Variants in MTMR7 observed in about 807,000 individuals in gnomAD.
MTMR7 encodes myotubularin related protein 7.
Under a neutral mutation model 81.2 loss-of-function variants are expected in MTMR7, and 76 were observed. The observed-to-expected ratio is 0.94, with a 90% confidence interval of 0.78 to 1.13. The LOEUF is 1.13. Among genes scored for constraint, MTMR7 ranks in the 50% most tolerant of loss-of-function variants. The pLI is 0.00. For missense variants in MTMR7, 1,044 were observed against 820.0 expected (o/e 1.27, Z -3.34); for synonymous variants, 372 against 289.8 (o/e 1.28, Z -2.88).
At chr8:17,308,408 T>C (rs1817604649) in intron 10 of MTMR7, among the ~76,000 whole-genome samples, 1 of 152,184 alleles carries the variant, frequency 6.6e-6, no homozygotes, top group African/African-American at 2.4e-5. Context: ...TATGCTTTCC[T>C]GGAAAAAATT....
chr8:17,376,400 T>C (rs1820588998), intron 1 of MTMR7, among the ~76,000 whole-genome samples: 1 of 152,234 alleles, frequency 6.6e-6, no homozygotes, highest in African/African-American at 2.4e-5. Context: ...CTATGTACTT[T>C]TGAGCATAAG....
intron 6 of MTMR7, among the ~76,000 whole-genome samples, chr8:17,338,396 C>T (rs964770928): frequency 2.6e-5 from 4 of 152,198 alleles, no homozygotes; most frequent in African/African-American, 4.8e-5. Context: ...GTAGGTGAAT[C>T]TGTCTGGCTT....
chr8:17,386,513 T>C (rs955762554), intron 1 of MTMR7, among the ~76,000 whole-genome samples: 1 of 152,214 alleles, frequency 6.6e-6, no homozygotes, highest in Non-Finnish European at 1.5e-5. Flanking sequence ...AGGGCTTTTA[T>C]TGGATCATAC....
intron 1 of MTMR7, among the ~76,000 whole-genome samples, chr8:17,406,042 T>C (rs1821573074): frequency 6.6e-6 from 1 of 152,196 alleles, no homozygotes; most frequent in Non-Finnish European, 1.5e-5. Context: ...TTCTGCTCCT[T>C]TGAACTAAAT....
Position 17,297,806 on chromosome 8 carries a change from A to G in MTMR7, c.*2056T>C, listed in dbSNP as rs1357476530. On this transcript the variant is annotated 3_prime_UTR_variant, in exon 14 of 14. Coordinates refer to ENST00000180173, the MANE Select transcript of MTMR7 (RefSeq NM_004686.5). Reference sequence around the variant, plus strand: ...AAGTACAGTAAAGTTTTAATAAGCAATAAATGTAACCTTTTATATAAATCT... The same window carrying G: ...AAGTACAGTAAAGTTTTAATAAGCAGTAAATGTAACCTTTTATATAAATCT... 4 of 151,918 alleles carry G rather than the reference A, an allele frequency of 2.6e-5. No homozygotes were observed. Among genetic ancestry groups the G allele is most frequent in the Non-Finnish European group, 5.9e-5 (4 of 67,884 alleles). The allele number at this position is 151,918 out of a possible 1,614,324, so 9.4% of individuals were successfully genotyped here.
At chr8:17,332,969 T>C (rs1460623494) in intron 6 of MTMR7, among the ~76,000 whole-genome samples, 1 of 152,184 alleles carries the variant, frequency 6.6e-6, no homozygotes, top group African/African-American at 2.4e-5. Context: ...CTGTAATCTT[T>C]CATTGATACC....
intron 3 of MTMR7, among the ~76,000 whole-genome samples, chr8:17,369,582 C>G (rs1820342943): frequency 1.3e-5 from 2 of 150,990 alleles, no homozygotes; most frequent in Admixed American, 1.3e-4. Flanking sequence ...TATAAATGAT[C>G]TCTTTTCACT....
chr8:17,409,227 G>A (rs1230272529), intron 1 of MTMR7, among the ~76,000 whole-genome samples: 1 of 152,152 alleles, frequency 6.6e-6, no homozygotes, highest in Admixed American at 6.5e-5. Flanking sequence ...GGGAGGCCAA[G>A]GCAAGTGGAT....
At position 17,336,286 on chromosome 8, in the gene MTMR7, G is replaced by A. The variant is rs185521344; in HGVS notation, c.733-5004C>T. On this transcript the variant is annotated intron_variant, in intron 6 of 13. Coordinates refer to ENST00000180173, the MANE Select transcript of MTMR7 (RefSeq NM_004686.5). ...GCGGCTGAGCCCTTTTAGGAATGCT[G>A]AAGCAAGATGGCTCATGCTCAACTT... Among the ~76,000 whole-genome samples, 5 of 152,176 alleles carry A rather than the reference G, an allele frequency of 3.3e-5. No individual in the cohort carries two copies. In the East Asian group the frequency reaches 9.7e-4, roughly 29 times the overall value.
chr8:17,309,709 G>T (rs1563320636), intron 9 of MTMR7, among the ~76,000 whole-genome samples: 1 of 152,120 alleles, frequency 6.6e-6, no homozygotes, highest in African/African-American at 2.4e-5. Flanking sequence ...CTACTAGGAA[G>T]GAGACCCCAC....
intron 8 of MTMR7, 96 bp from the exon 9 acceptor site, chr8:17,311,732 G>C: frequency 2.6e-6 from 4 of 1,565,092 alleles, no homozygotes; most frequent in Non-Finnish European, 3.5e-6. Flanking sequence ...TTTACAGAAA[G>C]AAACAGCCAA....
At position 17,372,707 on chromosome 8, in the gene MTMR7, A is replaced by G. The variant is rs546239820; in HGVS notation, c.147+411T>C. 2.7e-4 allele frequency among the ~76,000 whole-genome samples: 41 copies of G among 152,308 alleles called. No homozygotes were observed. The East Asian group carries it at 7.5e-3, about 28-fold the overall frequency. On this transcript the variant is annotated intron_variant, in intron 2 of 13. Coordinates refer to ENST00000180173, the MANE Select transcript of MTMR7 (RefSeq NM_004686.5). The stretch of plus-strand genomic sequence containing the variant: ...GCTCCTCTAGATTTTCTTTCTTTTT[A>G]AAATTATCAGAAAAGTAGAGGCAAT...
intron 1 of MTMR7, among the ~76,000 whole-genome samples, chr8:17,374,058 C>G (rs67664103): frequency 0.18 from 27,782 of 152,150 alleles, 2,969 homozygotes; most frequent in East Asian, 0.39. Flanking sequence ...ATGACCACAG[C>G]GCACAGCAAT....
At chr8:17,397,297 C>G (rs1585121383) in intron 1 of MTMR7, among the ~76,000 whole-genome samples, 1 of 152,158 alleles carries the variant, frequency 6.6e-6, no homozygotes, top group East Asian at 1.9e-4. Context: ...GGCCAAGGCT[C>G]TTGACATCAT....
At chr8:17,411,533 G>A (rs551881567) in intron 1 of MTMR7, among the ~76,000 whole-genome samples, 79 of 152,284 alleles carry the variant, frequency 5.2e-4, no homozygotes, top group African/African-American at 1.9e-3. Context: ...AAATGAATCC[G>A]ATCCATCCAA....
chr8:17,402,769 G>A (rs575179428), intron 1 of MTMR7, among the ~76,000 whole-genome samples: 8 of 152,248 alleles, frequency 5.3e-5, no homozygotes, highest in African/African-American at 1.4e-4. Flanking sequence ...ACCAGTAGTG[G>A]GCTTGCTGGA....
Position 17,371,106 on chromosome 8 carries a change from G to A in MTMR7, c.241C>T (p.Gln81Ter). 1.2e-6 allele frequency: 2 copies of A among 1,614,200 alleles called. No individual in the cohort carries two copies. Among genetic ancestry groups the A allele is most frequent in the Non-Finnish European group, 1.7e-6 (2 of 1,180,016 alleles). Reference sequence around the variant, plus strand: ...TCTCTTTCCTGAGGTATGATGAGCTGTATTATCTGAAAGTTCTTGCAGCGA... The same window carrying A: ...TCTCTTTCCTGAGGTATGATGAGCTATATTATCTGAAAGTTCTTGCAGCGA... ...LIRCKNFQII[Q>*]LIIPQERDCH... is the part of the protein sequence containing the mutation. Residue 81 changes from glutamine (Q) to a stop codon, truncating the protein, a stop_gained, in exon 3 of 14, where the codon CAG becomes TAG. Coordinates refer to ENST00000180173, the MANE Select transcript of MTMR7 (RefSeq NM_004686.5). LOFTEE classifies it high-confidence loss of function.
chr8:17,308,998 A>T (rs1817640151), intron 10 of MTMR7, among the ~76,000 whole-genome samples: 1 of 152,220 alleles, frequency 6.6e-6, no homozygotes, highest in Non-Finnish European at 1.5e-5. Flanking sequence ...TGCAAATGGC[A>T]GGAGGAAGGG....
At chr8:17,344,247 C>A (rs1210576586) in intron 5 of MTMR7, among the ~76,000 whole-genome samples, 1 of 152,148 alleles carries the variant, frequency 6.6e-6, no homozygotes, top group Non-Finnish European at 1.5e-5. Flanking sequence ...ATTTCCTGAT[C>A]CTGAATTCTT....
Sources: allele counts gnomAD v4.1 joint callset (sites outside exome capture counted in the v4.1 genomes callset), GRCh38; gene constraint gnomAD v4.1.1; transcripts MANE v1.5; gene names NCBI Gene and HGNC (gene_info 2026-07-23, HGNC 2026-07-21).